The following GRIK1 variants were observed in gnomAD, a reference collection of about 807,000 sequenced individuals.
GRIK1 encodes glutamate receptor ionotropic, kainate 1.
In GRIK1, 69 loss-of-function variants were observed where a neutral mutation model predicts 105.7. The observed-to-expected ratio is 0.65, with a 90% CI of 0.54 to 0.80. The LOEUF is 0.80. Among genes scored for constraint, GRIK1 ranks in the 30% least tolerant of loss-of-function variants. GRIK1 has a pLI of 0.00. For synonymous variants in GRIK1, 438 were observed against 431.3 expected (o/e 1.02, Z -0.19); for missense variants, 1,109 against 1,167.3 (o/e 0.95, Z 0.73).
At chr21:29,811,852 G>C (rs145209885) in intron 1 of GRIK1, among the ~76,000 whole-genome samples, 2 of 152,130 alleles carry the variant, frequency 1.3e-5, no homozygotes, top group Non-Finnish European at 2.9e-5. Context: ...GGTGTCAAGC[G>C]TGTTCCAGCC....
intron 1 of GRIK1, among the ~76,000 whole-genome samples, chr21:29,933,357 A>T (rs9982699): frequency 1.3e-5 from 2 of 151,452 alleles, no homozygotes; most frequent in Admixed American, 6.6e-5. Context: ...TGTTGCCTCA[A>T]GTGTGCTCTG....
chr21:29,576,346 T>A (rs976103577), intron 14 of GRIK1, among the ~76,000 whole-genome samples: 2 of 152,180 alleles, frequency 1.3e-5, no homozygotes, highest in Non-Finnish European at 2.9e-5. Flanking sequence ...ACTAAACTCA[T>A]CCAACTTAAT....
At chr21:29,649,325 C>T (rs1024657632) in intron 6 of GRIK1, among the ~76,000 whole-genome samples, 2 of 152,150 alleles carry the variant, frequency 1.3e-5, no homozygotes, top group African/African-American at 4.8e-5. Flanking sequence ...AGTTACTCTA[C>T]CCACTTTTGC....
At chr21:29,606,260 C>A (rs1033824247) in intron 7 of GRIK1, among the ~76,000 whole-genome samples, 1 of 152,068 alleles carries the variant, frequency 6.6e-6, no homozygotes, top group Non-Finnish European at 1.5e-5. Flanking sequence ...ATTGACCTAT[C>A]GGACATTGGC....
At chr21:29,800,555 G>A (rs1400489024) in intron 1 of GRIK1, among the ~76,000 whole-genome samples, 4 of 152,270 alleles carry the variant, frequency 2.6e-5, no homozygotes, top group East Asian at 1.9e-4. Flanking sequence ...ATGGTCAATT[G>A]TTTCTTTATT....
intron 1 of GRIK1, among the ~76,000 whole-genome samples, chr21:29,902,456 A>G (rs906927428): frequency 6.6e-6 from 1 of 152,250 alleles, no homozygotes; most frequent in Admixed American, 6.5e-5. Flanking sequence ...AAGTCTCAGG[A>G]TACAAAATCA....
chr21:29,896,875 C>A (rs957013229), intron 1 of GRIK1, among the ~76,000 whole-genome samples: 1 of 152,142 alleles, frequency 6.6e-6, no homozygotes, highest in East Asian at 1.9e-4. Flanking sequence ...AGCAACCCCA[C>A]CTCACCCCAT....
At chr21:29,549,763 C>T (rs996633046) in intron 16 of GRIK1, among the ~76,000 whole-genome samples, 1 of 151,980 alleles carries the variant, frequency 6.6e-6, no homozygotes, top group Non-Finnish European at 1.5e-5. Context: ...GTCTTAGCAT[C>T]CATTGACATG....
intron 1 of GRIK1, among the ~76,000 whole-genome samples, chr21:29,867,766 C>A (rs2068847468): frequency 6.9e-6 from 1 of 145,866 alleles, no homozygotes. Context: ...TGCGCTCCAG[C>A]CTGGGCAATA....
chr21:29,789,574 A>G (rs2066355830), intron 1 of GRIK1, among the ~76,000 whole-genome samples: 2 of 152,110 alleles, frequency 1.3e-5, no homozygotes. Flanking sequence ...TTTCTGCCTG[A>G]CCTTTGAATT....
intron 15 of GRIK1, among the ~76,000 whole-genome samples, chr21:29,560,364 T>TCTTTTTCTTTCTTCCTTC (rs2090394814): frequency 1.1e-4 from 4 of 35,928 alleles, no homozygotes; most frequent in Admixed American, 3.1e-4. Context: ...TCTTTTTCTT[T>TCTTTTTCTTTCTTCCTTC]CTTCCTTCCT....
chr21:29,694,117 ATTTTT>A lies in GRIK1; in HGVS notation c.119-59_119-55del, dbSNP rs11434895. ...GCGTTAGTCACATGGTTCACATGTA[ATTTTT>A]TTTTTTTTTTTTTTTTTTTTGAGAC... On this transcript the variant is annotated intron_variant, in intron 1 of 17. Coordinates refer to ENST00000327783, the MANE Select transcript of GRIK1 (RefSeq NM_001330994.2). 3,002 of 436,880 alleles carry A rather than the reference ATTTTT, an allele frequency of 6.9e-3. 25 individuals are homozygous for A. The highest frequency in any genetic ancestry group is 0.044 in the African/African-American group (1,864 of 42,224). The allele number at this position is 436,880 out of a possible 1,614,324, so 27.1% of individuals were successfully genotyped here.
intron 1 of GRIK1, among the ~76,000 whole-genome samples, chr21:29,850,201 A>G (rs1195719583): frequency 1.3e-5 from 2 of 152,176 alleles, no homozygotes; most frequent in Non-Finnish European, 2.9e-5. Context: ...TCTCTTTTTC[A>G]TAAACAAAAT....
chr21:29,830,730 C>T (rs2067608721), intron 1 of GRIK1, among the ~76,000 whole-genome samples: 1 of 151,982 alleles, frequency 6.6e-6, no homozygotes, highest in Non-Finnish European at 1.5e-5. Flanking sequence ...AAATTTACTG[C>T]TATAGAAATA....
At chr21:29,722,915 A>T (rs960960284) in intron 1 of GRIK1, among the ~76,000 whole-genome samples, 2 of 152,246 alleles carry the variant, frequency 1.3e-5, no homozygotes, top group African/African-American at 4.8e-5. Context: ...TGTTCGTAGC[A>T]GTTAATTTTA....
At chr21:29,936,804 A>C (rs1171505781) in intron 1 of GRIK1, among the ~76,000 whole-genome samples, 1 of 152,242 alleles carries the variant, frequency 6.6e-6, no homozygotes, top group Non-Finnish European at 1.5e-5. Context: ...AAGCTTAAGC[A>C]GACACTTTGA....
chr21:29,560,518 T>C (rs2090435271), intron 15 of GRIK1, among the ~76,000 whole-genome samples: 1 of 59,664 alleles, frequency 1.7e-5, no homozygotes, highest in African/African-American at 8.1e-5. Flanking sequence ...CTTCCTTCCT[T>C]CCTTTCTTTC....
At chr21:29,870,136 C>T (rs1177126504) in intron 1 of GRIK1, among the ~76,000 whole-genome samples, 1 of 152,078 alleles carries the variant, frequency 6.6e-6, no homozygotes, top group Non-Finnish European at 1.5e-5. Flanking sequence ...TGTATTTTAC[C>T]TAGCAACCCT....
chr21:29,913,672 A>AATAT (rs60924907), intron 1 of GRIK1, among the ~76,000 whole-genome samples: 1,761 of 144,562 alleles, frequency 0.012, 31 homozygotes, highest in African/African-American at 0.04. Flanking sequence ...AGAAACACTA[A>AATAT]ATATATATAT....
Sources: gnomAD v4.1 joint callset for allele counts (sites outside exome capture counted in the v4.1 genomes callset) on GRCh38, gnomAD v4.1.1 for gene constraint, MANE v1.5 for transcripts, NCBI Gene and HGNC (gene_info 2026-07-23, HGNC 2026-07-21) for gene names.